Variants in EFEMP1 observed in about 807,000 individuals in gnomAD.
EFEMP1 encodes EGF-like fibulin extracellular matrix protein 1.
Under a neutral mutation model 65.7 loss-of-function variants are expected in EFEMP1, and 18 were observed. That is an observed-to-expected ratio of 0.27 (90% confidence interval 0.19 to 0.41). EFEMP1 has a LOEUF of 0.41. Ranked by LOEUF, EFEMP1 falls within the 10% of genes least tolerant of loss-of-function variation. EFEMP1 has a pLI of 1.00. For missense variants in EFEMP1, 469 were observed against 624.8 expected (o/e 0.75, Z 2.66); for synonymous variants, 237 against 219.7 (o/e 1.08, Z -0.70).
chr2:55,908,299 G>C (rs997690586), intron 5 of EFEMP1, among the ~76,000 whole-genome samples: 4 of 152,022 alleles, frequency 2.6e-5, no homozygotes, highest in South Asian at 4.2e-4. Flanking sequence ...GAGTTTCTTC[G>C]CAGTATCAGA....
chr2:55,900,117 G>T (rs559141987), intron 5 of EFEMP1, among the ~76,000 whole-genome samples: 4 of 152,332 alleles, frequency 2.6e-5, no homozygotes, highest in East Asian at 3.9e-4. Context: ...GAGTTTCGTG[G>T]TAAGTGGCAG....
At chr2:55,874,429 G>A (rs1668942741) in intron 9 of EFEMP1, among the ~76,000 whole-genome samples, 1 of 151,882 alleles carries the variant, frequency 6.6e-6, no homozygotes, top group Admixed American at 6.6e-5. Context: ...TTTTGAAACT[G>A]GACCCAAGGT....
In EFEMP1 at chr2:55,917,764, G is replaced by A. The variant is rs756065296; in HGVS notation, c.418C>T (p.Arg140Trp). Reference protein sequence around the residue: ...MQTGRNNFVIRRNPADPQRIP... With the variant: ...MQTGRNNFVIWRNPADPQRIP... Reference sequence around the variant, plus strand: ...CGCTGAGGGTCAGCTGGGTTCCGCCGGATGACAAAGTTATTTCGGCCAGTC... The same window carrying A: ...CGCTGAGGGTCAGCTGGGTTCCGCCAGATGACAAAGTTATTTCGGCCAGTC... The change falls in exon 5 of 12, where the codon CGG becomes TGG. Residue 140 changes from arginine to tryptophan, a missense_variant. Coordinates refer to ENST00000355426, the MANE Select transcript of EFEMP1 (RefSeq NM_001039348.3). The surrounding 1 kb of genome is among the most constrained non-coding windows in gnomAD (Gnocchi z 6.3). 8 of 1,614,044 alleles carry A rather than the reference G, an allele frequency of 5.0e-6. No individual in the cohort carries two copies. The highest frequency in any genetic ancestry group is 2.2e-5 in the South Asian group (2 of 91,090).
chr2:55,878,658 T>TAAAACAAAAC (rs56900947), intron 6 of EFEMP1, among the ~76,000 whole-genome samples: 25,167 of 151,802 alleles, frequency 0.17, 2,618 homozygotes, highest in South Asian at 0.29. Context: ...TGCCTTGTGG[T>TAAAACAAAAC]AAAACAAAAC....
At chr2:55,893,593 T>C (rs1287971481) in intron 5 of EFEMP1, among the ~76,000 whole-genome samples, 2 of 152,192 alleles carry the variant, frequency 1.3e-5, no homozygotes, top group African/African-American at 4.8e-5. Context: ...TTCAAAATGA[T>C]ACTGTGAGGA....
At chr2:55,879,037 C>T (rs1669140358) in intron 6 of EFEMP1, among the ~76,000 whole-genome samples, 1 of 152,176 alleles carries the variant, frequency 6.6e-6, no homozygotes, top group South Asian at 2.1e-4. Flanking sequence ...GGCCACCTTT[C>T]CCACCAATAT....
rs1329350164 is a variant in EFEMP1 at position 55,866,074 on chromosome 2, G to C, written c.*999C>G. On this transcript the variant is annotated 3_prime_UTR_variant, in exon 12 of 12. Transcript: ENST00000355426. ...ATAAAATATTCCATAGAATTGGGTAGGAGGGTAATTTGCTTAAGTTCACTG... is the reference window on the plus strand; with the variant it reads ...ATAAAATATTCCATAGAATTGGGTACGAGGGTAATTTGCTTAAGTTCACTG... 2.0e-5 allele frequency: 3 copies of C among 152,124 alleles called. No homozygotes were observed. The highest frequency in any genetic ancestry group is 1.9e-4 in the East Asian group (1 of 5,196). 9.4% of individuals were successfully genotyped at this position (152,124 alleles called of 1,614,324 possible). A position where few individuals can be genotyped will look rare whatever the true frequency, so the allele number is the denominator to read the frequency against.
chr2:55,874,983 G>A lies in EFEMP1; in HGVS notation c.963C>T (p.Pro321=), dbSNP rs769842736. 2.5e-6 allele frequency: 4 copies of A among 1,608,988 alleles called. No homozygotes were observed. Among genetic ancestry groups the A allele is most frequent in the Non-Finnish European group, 3.4e-6 (4 of 1,177,268 alleles). Residue 321 remains proline (P), a synonymous_variant, in exon 9 of 12, where the codon CCC becomes CCT. Transcript: ENST00000355426. ...TACTTCTCACCACTTGGTATCCCTG[G>A]GGGCACATACATGAGAATTTCCCAG... ...NEPGKFSCMC[P]QGYQVVRSRT... is the part of the protein sequence containing the mutation.
chr2:55,881,573 C>A (rs1033722324), intron 6 of EFEMP1, 39 bp downstream of exon 6: 1 of 1,612,042 alleles, frequency 6.2e-7, no homozygotes, highest in African/African-American at 1.3e-5. Flanking sequence ...AGTTAAGGTA[C>A]TCAAGACAGG....
intron 3 of EFEMP1, among the ~76,000 whole-genome samples, chr2:55,920,818 C>T (rs1572854809): frequency 6.6e-6 from 1 of 152,136 alleles, no homozygotes; most frequent in African/African-American, 2.4e-5. Flanking sequence ...CAAAGGAGAT[C>T]GTGTCTCCAC....
Position 55,917,515 on chromosome 2 carries a change from A to AG in EFEMP1, c.517+149dup. 8 of 1,052,364 alleles carry AG rather than the reference A, an allele frequency of 7.6e-6. No homozygotes were observed. The highest frequency in any genetic ancestry group is 1.2e-5 in the Non-Finnish European group (8 of 685,878). 65.2% of individuals were successfully genotyped at this position (1,052,364 alleles called of 1,614,324 possible). ...ATGACAACTACAGCAACTACCCTTT[A>AG]GGAATATTGTGATGATTAAATATAA... On this transcript the variant is annotated intron_variant, in intron 5 of 11. Coordinates refer to ENST00000355426, the MANE Select transcript of EFEMP1 (RefSeq NM_001039348.3). The surrounding 1 kb of genome is among the most constrained non-coding windows in gnomAD (Gnocchi z 6.3).
chr2:55,895,285 G>A (rs569192747), intron 5 of EFEMP1, among the ~76,000 whole-genome samples: 1 of 152,356 alleles, frequency 6.6e-6, no homozygotes, highest in African/African-American at 2.4e-5. Flanking sequence ...CCACATAACA[G>A]ATGGTTCCAT....
At chr2:55,900,808 G>A (rs946147202) in intron 5 of EFEMP1, among the ~76,000 whole-genome samples, 1 of 152,006 alleles carries the variant, frequency 6.6e-6, no homozygotes, top group Admixed American at 6.6e-5. Context: ...TACCTTTATC[G>A]ATTTTTAGTC....
intron 9 of EFEMP1, among the ~76,000 whole-genome samples, chr2:55,872,069 T>TAAC (rs201330469): frequency 2.1e-3 from 315 of 151,858 alleles, no homozygotes; most frequent in African/African-American, 7.0e-3. Context: ...ATTACATTTA[T>TAAC]AACAACAACA....
rs1668886146 is a variant in EFEMP1, at chr2:55,873,157, A to G, written c.1000+1789T>C. Among the ~76,000 whole-genome samples, 1 of 151,822 alleles carries G rather than the reference A, an allele frequency of 6.6e-6. No homozygotes were observed. Among genetic ancestry groups the G allele is most frequent in the Non-Finnish European group, 1.5e-5 (1 of 67,936 alleles). On this transcript the variant is annotated intron_variant, in intron 9 of 11. Coordinates refer to ENST00000355426, the MANE Select transcript of EFEMP1 (RefSeq NM_001039348.3). The surrounding 1 kb of genome is among the most constrained non-coding windows in gnomAD (Gnocchi z 4.6). ...GAACAGTTATTTCATCCACAAAATA[A>G]GTCTTTTAGAGAAAGTTAAGAATCC...
chr2:55,873,462 T>C lies in EFEMP1; in HGVS notation c.1000+1484A>G, dbSNP rs953230671. Among the ~76,000 whole-genome samples, 1 of 152,088 alleles carries C rather than the reference T, an allele frequency of 6.6e-6. No homozygotes were observed. ...CGGATCCCACCGTGCATTAATCTGC[T>C]TCTGTCTTTTGCTGAGCATCAAATC... On this transcript the variant is annotated intron_variant, in intron 9 of 11. Transcript: ENST00000355426. The surrounding 1 kb of genome is among the most constrained non-coding windows in gnomAD (Gnocchi z 4.6).
chr2:55,916,306 C>T (rs560122736), intron 5 of EFEMP1, among the ~76,000 whole-genome samples: 4 of 152,208 alleles, frequency 2.6e-5, no homozygotes, highest in East Asian at 1.9e-4. Flanking sequence ...GATGGGGTTT[C>T]GCCATGTTGG....
At chr2:55,869,281 T>G (rs1668708905) in intron 11 of EFEMP1, among the ~76,000 whole-genome samples, 1 of 152,296 alleles carries the variant, frequency 6.6e-6, no homozygotes, top group Non-Finnish European at 1.5e-5. Context: ...TAGAAAATTA[T>G]TTTTAAAGAT....
intron 5 of EFEMP1, among the ~76,000 whole-genome samples, chr2:55,912,251 A>G (rs1465153563): frequency 6.6e-6 from 1 of 152,142 alleles, no homozygotes; most frequent in East Asian, 1.9e-4. Flanking sequence ...GTATAATTAT[A>G]TGGAAGAAAA....
Sources: allele counts gnomAD v4.1 joint callset (sites outside exome capture counted in the v4.1 genomes callset), GRCh38; gene constraint gnomAD v4.1.1; non-coding constraint Gnocchi (gnomAD v3.1); transcripts MANE v1.5; gene names NCBI Gene and HGNC (gene_info 2026-07-23, HGNC 2026-07-21).